The following MVB12B variants were observed in gnomAD, a reference collection of about 807,000 sequenced individuals.
MVB12B encodes the protein multivesicular body subunit 12B.
Under a neutral mutation model 41.6 loss-of-function variants are expected in MVB12B, and 16 were observed. That is an observed-to-expected ratio of 0.38 (90% CI 0.26 to 0.58). The LOEUF is 0.58. Ranked by LOEUF, MVB12B falls within the 20% of genes least tolerant of loss-of-function variation. The pLI, the probability that MVB12B is intolerant of heterozygous loss-of-function variation, is 0.62. For synonymous variants in MVB12B, 133 were observed against 139.7 expected (o/e 0.95, Z 0.34); for missense variants, 274 against 380.2 (o/e 0.72, Z 2.32).
At chr9:126,476,395 C>T (rs558487847) in intron 7 of MVB12B, among the ~76,000 whole-genome samples, 44 of 152,268 alleles carry the variant, frequency 2.9e-4, no homozygotes, top group Non-Finnish European at 5.3e-4. Context: ...TGCAGACAAA[C>T]GGGAAGTGCC....
intron 6 of MVB12B, among the ~76,000 whole-genome samples, chr9:126,414,130 G>A (rs2119067272): frequency 6.6e-6 from 1 of 152,302 alleles, no homozygotes; most frequent in East Asian, 1.9e-4. Flanking sequence ...AATAAATCGT[G>A]CTGGCAACTA....
chr9:126,422,740 C>T (rs181149765), intron 7 of MVB12B, among the ~76,000 whole-genome samples: 33 of 152,224 alleles, frequency 2.2e-4, no homozygotes, highest in African/African-American at 7.0e-4. Context: ...CATAATGAAT[C>T]GGTTATTTAA....
intron 2 of MVB12B, among the ~76,000 whole-genome samples, chr9:126,366,847 C>T (rs562064640): frequency 3.9e-5 from 6 of 152,288 alleles, no homozygotes; most frequent in South Asian, 2.1e-4. Flanking sequence ...CTCCGTAGCA[C>T]GGGGCCTCCA....
At chr9:126,378,630 GTCTCTC>G (rs147449615) in intron 2 of MVB12B, among the ~76,000 whole-genome samples, 58 of 147,402 alleles carry the variant, frequency 3.9e-4, no homozygotes, top group Non-Finnish European at 5.9e-4. Context: ...TCTCTTCTCT[GTCTCTC>G]TCTCTCTCTC....
At chr9:126,398,652 T>G (rs576073295) in intron 6 of MVB12B, among the ~76,000 whole-genome samples, 1 of 152,310 alleles carries the variant, frequency 6.6e-6, no homozygotes, top group South Asian at 2.1e-4. Context: ...GGGAGCGCGG[T>G]GACGCAGCGC....
chr9:126,367,512 G>C lies in MVB12B; in HGVS notation c.205-13552G>C, dbSNP rs918902792. On this transcript the variant is annotated intron_variant, in intron 2 of 9. Coordinates refer to ENST00000361171, the MANE Select transcript of MVB12B (RefSeq NM_033446.3). This position sits in a 1 kb window ranked among gnomAD's most constrained non-coding sequence, Gnocchi z 4.3. Reference sequence around the variant, plus strand: ...TCGTTTCTGCCTGCCAGCACTTTATGATGCATCCCACCTGAAGATGCCTTT... The same window carrying C: ...TCGTTTCTGCCTGCCAGCACTTTATCATGCATCCCACCTGAAGATGCCTTT... Among the ~76,000 whole-genome samples the C allele has an allele frequency of 1.1e-4, 16 of 152,150 alleles. No homozygotes were observed. Among genetic ancestry groups the C allele is most frequent in the Admixed American group, 2.6e-4 (4 of 15,276 alleles).
At chr9:126,408,007 T>C (rs1392223742) in intron 6 of MVB12B, 1 of 152,192 alleles carries the variant, frequency 6.6e-6, no homozygotes, top group Non-Finnish European at 1.5e-5. Flanking sequence ...AGAAAAAGAA[T>C]TGCCATTCAA....
chr9:126,403,604 G>A (rs1341146791), intron 6 of MVB12B, among the ~76,000 whole-genome samples: 2 of 152,190 alleles, frequency 1.3e-5, no homozygotes, highest in East Asian at 1.9e-4. Context: ...CCTCAAAAGA[G>A]GCTAGTCACA....
At chr9:126,403,621 T>C (rs1300753570) in intron 6 of MVB12B, among the ~76,000 whole-genome samples, 1 of 152,216 alleles carries the variant, frequency 6.6e-6, no homozygotes, top group Non-Finnish European at 1.5e-5. Flanking sequence ...CACACAGAAA[T>C]AGCAATGATG....
Position 126,395,824 on chromosome 9 carries a change from A to G in MVB12B, c.662+127A>G, listed in dbSNP as rs1831097842. The G allele has an allele frequency of 1.3e-6, 2 of 1,495,716 alleles. No homozygotes were observed. Among genetic ancestry groups the G allele is most frequent in the South Asian group, 1.4e-5 (1 of 71,792 alleles). 92.7% of individuals were successfully genotyped at this position (1,495,716 alleles called of 1,614,324 possible). A position where few individuals can be genotyped will look rare whatever the true frequency, so the allele number is the denominator to read the frequency against. Reference sequence around the variant, plus strand: ...ACAGCTGAATAATTGTAGAAGCAATATATCTTTAGAGGAGATTTTTAAAAA... The same window carrying G: ...ACAGCTGAATAATTGTAGAAGCAATGTATCTTTAGAGGAGATTTTTAAAAA... On this transcript the variant is annotated intron_variant, in intron 6 of 9. Transcript: ENST00000361171. The surrounding 1 kb of genome is among the most constrained non-coding windows in gnomAD (Gnocchi z 4.9).
intron 3 of MVB12B, among the ~76,000 whole-genome samples, chr9:126,381,418 T>G (rs1830631732): frequency 1.3e-5 from 2 of 152,140 alleles, no homozygotes; most frequent in Admixed American, 1.3e-4. Context: ...ACCAGGAAAT[T>G]TCTCTCCCAG....
chr9:126,467,321 G>A (rs1833220742), intron 7 of MVB12B, among the ~76,000 whole-genome samples: 2 of 152,166 alleles, frequency 1.3e-5, no homozygotes, highest in African/African-American at 4.8e-5. Context: ...TCCTCCTGAG[G>A]CCATCGATAG....
At chr9:126,487,780 A>T (rs182677168) in intron 9 of MVB12B, among the ~76,000 whole-genome samples, 3,136 of 151,974 alleles carry the variant, frequency 0.021, 48 homozygotes, top group South Asian at 0.051. Context: ...AAAAAAAAAA[A>T]AAATAACAAA....
At chr9:126,335,543 G>A in intron 1 of MVB12B, 1 of 511,002 alleles carries the variant, frequency 2.0e-6, no homozygotes, top group South Asian at 1.6e-5. Flanking sequence ...CTTGCGATTT[G>A]CCAGCAGAAA....
At chr9:126,470,463 A>T (rs1385481718) in intron 7 of MVB12B, among the ~76,000 whole-genome samples, 1 of 152,146 alleles carries the variant, frequency 6.6e-6, no homozygotes, top group Non-Finnish European at 1.5e-5. Context: ...CTGGACCTGC[A>T]TGAGGTTGTG....
intron 7 of MVB12B, among the ~76,000 whole-genome samples, chr9:126,466,564 A>AT (rs1833203790): frequency 6.6e-6 from 1 of 152,120 alleles, no homozygotes; most frequent in South Asian, 2.1e-4. Flanking sequence ...ATTTGCCACC[A>AT]TTTTTGCCAT....
intron 7 of MVB12B, among the ~76,000 whole-genome samples, chr9:126,470,266 C>G (rs1206428407): frequency 6.6e-6 from 1 of 152,136 alleles, no homozygotes; most frequent in African/African-American, 2.4e-5. Flanking sequence ...CTCATTGGGT[C>G]CCCCAGACCA....
chr9:126,491,223 G>A (rs998143382), intron 9 of MVB12B, among the ~76,000 whole-genome samples: 6 of 152,256 alleles, frequency 3.9e-5, no homozygotes, highest in African/African-American at 1.2e-4. Flanking sequence ...TCCGCATTGC[G>A]TGGGCTTCTG....
At chr9:126,362,912 C>T (rs1021484062) in intron 2 of MVB12B, among the ~76,000 whole-genome samples, 4 of 152,132 alleles carry the variant, frequency 2.6e-5, no homozygotes, top group African/African-American at 9.7e-5. Flanking sequence ...TTTGGCCAGG[C>T]GTGGTGGCTC....
Sources: allele counts gnomAD v4.1 joint callset (sites outside exome capture counted in the v4.1 genomes callset), GRCh38; gene constraint gnomAD v4.1.1; non-coding constraint Gnocchi (gnomAD v3.1); transcripts MANE v1.5; gene names NCBI Gene and HGNC (gene_info 2026-07-23, HGNC 2026-07-21).